LRRC37A2: variants seen among roughly 807,000 people sequenced by gnomAD.
LRRC37A2 encodes the protein leucine rich repeat containing 37 member A2.
A neutral mutation model predicts 68.8 loss-of-function variants in LRRC37A2; 9 were observed. The ratio of observed to expected loss-of-function variants is 0.13; its 90% confidence interval spans 0.08 to 0.23. The LOEUF (loss-of-function observed/expected upper bound fraction) is 0.23, where lower values mean the gene tolerates loss of function less well. LRRC37A2 is among the 10% of genes least tolerant of loss of function. The pLI is 1.00. For missense variants in LRRC37A2, 168 were observed against 950.4 expected, an observed-to-expected ratio of 0.18 and a Z score of 10.82; for synonymous variants, 63 against 367.6, an observed-to-expected ratio of 0.17 and a Z score of 9.48.
At chr17:46,989,179 G>C in the LRRC37A2 span, among the ~76,000 whole-genome samples, 4 of 152,144 alleles carry the variant, frequency 2.6e-5, no homozygotes, top group Non-Finnish European at 4.4e-5. Context: ...ATGCCTTTCC[G>C]GTGAAGGACA....
chr17:46,774,362 G>A, the LRRC37A2 span, among the ~76,000 whole-genome samples: 2,971 of 152,054 alleles, frequency 0.02, 91 homozygotes, highest in African/African-American at 0.067. Flanking sequence ...GCGCGCGCGC[G>A]CACACACACA....
chr17:46,797,520 GC>G, the LRRC37A2 span, among the ~76,000 whole-genome samples: 1 of 152,232 alleles, frequency 6.6e-6, no homozygotes, highest in Non-Finnish European at 1.5e-5. Context: ...AGGGCCTTGG[GC>G]CATGGGAAAA....
the LRRC37A2 span, among the ~76,000 whole-genome samples, chr17:46,779,598 T>C: frequency 6.6e-6 from 1 of 152,200 alleles, no homozygotes; most frequent in Admixed American, 6.5e-5. Context: ...TGTTGACCCC[T>C]TGGAGTGAAA....
At chr17:46,558,217 G>T (rs1222793700), downstream of LRRC37A2, among the ~76,000 whole-genome samples, 5 of 102,714 alleles carry the variant, frequency 4.9e-5, no homozygotes, top group Admixed American at 4.0e-4. Context: ...GCACCACCAT[G>T]CCCGGCTAAT....
chr17:46,934,394 C>T, the LRRC37A2 span, among the ~76,000 whole-genome samples: 3 of 152,146 alleles, frequency 2.0e-5, no homozygotes, highest in South Asian at 4.1e-4. Context: ...TGGTAGCATG[C>T]ACCTATGGTC....
the LRRC37A2 span, among the ~76,000 whole-genome samples, chr17:46,727,674 C>T: frequency 6.6e-6 from 1 of 152,040 alleles, no homozygotes; most frequent in Non-Finnish European, 1.5e-5. Context: ...ACATCTCAGC[C>T]CAGTTTATGG....
the LRRC37A2 span, among the ~76,000 whole-genome samples, chr17:46,919,742 T>C: frequency 2.0e-5 from 3 of 151,990 alleles, no homozygotes; most frequent in Non-Finnish European, 2.9e-5. Context: ...AGGTCGGGAG[T>C]TCGAGACCAG....
chr17:46,941,100 T>A, the LRRC37A2 span: 1 of 1,031,272 alleles, frequency 9.7e-7, no homozygotes, highest in African/African-American at 1.7e-5. Context: ...GTGCCTATTG[T>A]GATTTAAAAC....
At chr17:46,971,375 A>G in the LRRC37A2 span, among the ~76,000 whole-genome samples, 1 of 152,090 alleles carries the variant, frequency 6.6e-6, no homozygotes, top group East Asian at 1.9e-4. Context: ...GAAAAATATA[A>G]TAAGGACACA....
At chr17:46,976,573 A>C in the LRRC37A2 span, among the ~76,000 whole-genome samples, 1 of 151,960 alleles carries the variant, frequency 6.6e-6, no homozygotes, top group Non-Finnish European at 1.5e-5. Flanking sequence ...AACCAAAAAA[A>C]CAAATTTAAC....
chr17:46,809,287 G>A, the LRRC37A2 span, among the ~76,000 whole-genome samples: 2 of 151,998 alleles, frequency 1.3e-5, no homozygotes, highest in African/African-American at 4.8e-5. Context: ...GAGAGGAGGC[G>A]GGATCCTGCT....
chr17:47,019,540 T>C, the LRRC37A2 span: 169 of 1,505,348 alleles, frequency 1.1e-4, no homozygotes, highest in Non-Finnish European at 1.5e-4. Flanking sequence ...CTTCAGACTC[T>C]GCATCGAAAA....
chr17:46,409,314 T>TA, the LRRC37A2 span, among the ~76,000 whole-genome samples: 3 of 148,038 alleles, frequency 2.0e-5, no homozygotes, highest in African/African-American at 7.4e-5. Context: ...TTTTTTTTTT[T>TA]AAGACAGGGT....
At chr17:46,404,787 G>A in the LRRC37A2 span, among the ~76,000 whole-genome samples, 4 of 92,048 alleles carry the variant, frequency 4.3e-5, no homozygotes, top group Non-Finnish European at 7.9e-5. Flanking sequence ...GGAGAATAGC[G>A]TGAACCCGGG....
At chr17:46,541,740 C>G (rs1398820397) in intron 8 of LRRC37A2, among the ~76,000 whole-genome samples, 1 of 150,786 alleles carries the variant, frequency 6.6e-6, no homozygotes, top group African/African-American at 2.5e-5. Flanking sequence ...ATTTAAAATA[C>G]AGTATAATTA....
the LRRC37A2 span, among the ~76,000 whole-genome samples, chr17:46,801,904 C>G: frequency 6.6e-6 from 1 of 152,270 alleles, no homozygotes; most frequent in Admixed American, 6.5e-5. Context: ...CCGCCAAGCC[C>G]TAAGGCCTGG....
At chr17:46,779,103 A>ACACACACACACACACACACACCC in the LRRC37A2 span, among the ~76,000 whole-genome samples, 2 of 133,664 alleles carry the variant, frequency 1.5e-5, no homozygotes, top group African/African-American at 5.5e-5. Context: ...ACACACACAC[A>ACACACACACACACACACACACCC]CCCCAGCCCA....
the LRRC37A2 span, chr17:46,885,408 C>T: frequency 6.8e-5 from 11 of 161,808 alleles, no homozygotes; most frequent in Non-Finnish European, 1.3e-4. Context: ...GTTCAAGTGA[C>T]TCTCTTGGCT....
chr17:46,711,067 G>A, the LRRC37A2 span: 5 of 1,584,840 alleles, frequency 3.2e-6, no homozygotes, highest in East Asian at 9.5e-5. Context: ...AGCTGCTGGT[G>A]CAGCAGACTA....
Sources: allele counts gnomAD v4.1 joint callset (sites outside exome capture counted in the v4.1 genomes callset), GRCh38; gene constraint gnomAD v4.1.1; transcripts MANE v1.5; gene names NCBI Gene and HGNC (gene_info 2026-07-23, HGNC 2026-07-21).